Variants in PTPRR observed in about 807,000 individuals in gnomAD.
PTPRR encodes protein tyrosine phosphatase receptor type R.
A neutral mutation model predicts 77.2 loss-of-function variants in PTPRR; 38 were observed. That is an observed-to-expected ratio of 0.49 (90% confidence interval 0.38 to 0.65). The LOEUF is 0.65. Ranked by LOEUF, PTPRR falls within the 30% of genes least tolerant of loss-of-function variation. The probability of loss-of-function intolerance (pLI) is 0.00; values close to 1 mark genes in which losing one functional copy is unlikely to be tolerated. For synonymous variants in PTPRR, 299 were observed against 283.1 expected (o/e 1.06, Z -0.57); for missense variants, 744 against 799.2 (o/e 0.93, Z 0.83).
Position 70,827,053 on chromosome 12 carries a change from A to G in PTPRR, c.358-62275T>C, listed in dbSNP as rs1364820166. On this transcript the variant is annotated intron_variant, in intron 2 of 13. Coordinates refer to ENST00000283228, the MANE Select transcript of PTPRR (RefSeq NM_002849.4). Reference sequence around the variant, plus strand: ...TGGATTCAGATGTTAGCTCCACAGGACACCTTTTCTTACAGCCAAACCTCA... The same window carrying G: ...TGGATTCAGATGTTAGCTCCACAGGGCACCTTTTCTTACAGCCAAACCTCA... Among the ~76,000 whole-genome samples, 4 of 152,164 alleles carry G rather than the reference A, an allele frequency of 2.6e-5. No homozygotes were observed. In the East Asian group the frequency reaches 7.7e-4, roughly 29 times the overall value.
intron 3 of PTPRR, among the ~76,000 whole-genome samples, 175 bp downstream of exon 3, chr12:70,764,490 T>C (rs3751287): frequency 0.37 from 56,127 of 151,776 alleles, 12,573 homozygotes; most frequent in African/African-American, 0.63. Flanking sequence ...ACAAAAGGCA[T>C]CATGGGCAAT....
chr12:70,749,713 C>T (rs1890329725), intron 5 of PTPRR, among the ~76,000 whole-genome samples: 1 of 152,048 alleles, frequency 6.6e-6, no homozygotes, highest in Non-Finnish European at 1.5e-5. Flanking sequence ...CAGACTACAA[C>T]TAGAGAAACT....
chr12:70,640,565 T>C (rs1219734309), intron 13 of PTPRR, among the ~76,000 whole-genome samples: 2 of 152,368 alleles, frequency 1.3e-5, no homozygotes, highest in African/African-American at 4.8e-5. Context: ...GGTAACTATT[T>C]AAAGTCTTGT....
intron 2 of PTPRR, among the ~76,000 whole-genome samples, chr12:70,814,341 G>T (rs1167428049): frequency 2.0e-5 from 3 of 152,086 alleles, no homozygotes; most frequent in East Asian, 1.9e-4. Flanking sequence ...GGAGGGGAAG[G>T]GTGGTCACCT....
intron 2 of PTPRR, among the ~76,000 whole-genome samples, chr12:70,772,035 G>A (rs11178411): frequency 0.34 from 51,883 of 151,934 alleles, 10,122 homozygotes; most frequent in African/African-American, 0.53. Context: ...AATTATCATA[G>A]TAGTAATAAT....
At chr12:70,772,495 G>C (rs11178412) in intron 2 of PTPRR, among the ~76,000 whole-genome samples, 44,143 of 152,052 alleles carry the variant, frequency 0.29, 6,761 homozygotes, top group African/African-American at 0.37. Context: ...TAATAAATAA[G>C]TGATTGGAAA....
At chr12:70,817,444 C>G (rs1891924784) in intron 2 of PTPRR, among the ~76,000 whole-genome samples, 1 of 152,054 alleles carries the variant, frequency 6.6e-6, no homozygotes, top group African/African-American at 2.4e-5. Context: ...TCTTAGGAAC[C>G]ATACACTGAA....
intron 1 of PTPRR, 111 bp from the exon 2 acceptor site, chr12:70,893,088 G>C: frequency 8.5e-7 from 1 of 1,180,536 alleles, no homozygotes; most frequent in Non-Finnish European, 1.2e-6. Context: ...GACTTGTGAA[G>C]GATTTAGGTT....
chr12:70,822,080 C>A (rs1892025480), intron 2 of PTPRR, among the ~76,000 whole-genome samples: 1 of 152,176 alleles, frequency 6.6e-6, no homozygotes, highest in Non-Finnish European at 1.5e-5. Flanking sequence ...CCAGGAAGTT[C>A]TCACCTATTT....
At chr12:70,856,759 T>G (rs1216107396) in intron 2 of PTPRR, among the ~76,000 whole-genome samples, 1 of 150,888 alleles carries the variant, frequency 6.6e-6, no homozygotes, top group Non-Finnish European at 1.5e-5. Context: ...TTAGGGTTGG[T>G]GTTTGATTTG....
At chr12:70,796,304 T>C (rs1046650164) in intron 2 of PTPRR, among the ~76,000 whole-genome samples, 2 of 152,068 alleles carry the variant, frequency 1.3e-5, no homozygotes, top group Non-Finnish European at 2.9e-5. Context: ...TAAAAGTGAG[T>C]AAAATGAGTT....
intron 10 of PTPRR, 26 bp downstream of exon 10, chr12:70,684,101 A>T: frequency 6.2e-7 from 1 of 1,610,278 alleles, no homozygotes; most frequent in Non-Finnish European, 8.5e-7. Context: ...CACATATAAC[A>T]TTCAGAACTT....
intron 2 of PTPRR, among the ~76,000 whole-genome samples, chr12:70,789,236 T>C (rs1445235451): frequency 1.3e-5 from 2 of 152,012 alleles, no homozygotes; most frequent in African/African-American, 4.8e-5. Flanking sequence ...GTTGTGCACA[T>C]GTACCCTAAA....
chr12:70,688,340 C>A (rs1002862136), intron 8 of PTPRR, among the ~76,000 whole-genome samples: 1 of 152,078 alleles, frequency 6.6e-6, no homozygotes. Flanking sequence ...ATCAGAAACT[C>A]AAACTACTCA....
chr12:70,666,856 C>A (rs563886355), intron 10 of PTPRR, among the ~76,000 whole-genome samples: 1 of 143,080 alleles, frequency 7.0e-6, no homozygotes, highest in Admixed American at 7.2e-5. Flanking sequence ...TGAATATGAA[C>A]AAATGTACAT....
In PTPRR at chr12:70,656,830, G is replaced by T. The variant is rs748580930; in HGVS notation, c.1767-13C>A. ...ACCTATTCCTGCACTGAAAAGAAAAGAAAAGAAATTTAAAAAGTGGGGGAA... is the reference window on the plus strand; with the variant it reads ...ACCTATTCCTGCACTGAAAAGAAAATAAAAGAAATTTAAAAAGTGGGGGAA... On this transcript the variant is annotated splice_polypyrimidine_tract_variant and intron_variant, in intron 12 of 13. Coordinates refer to ENST00000283228, the MANE Select transcript of PTPRR (RefSeq NM_002849.4). 3.2e-6 allele frequency: 5 copies of T among 1,553,174 alleles called. No homozygotes were observed. In the East Asian group the frequency reaches 6.7e-5, roughly 21 times the overall value.
intron 6 of PTPRR, among the ~76,000 whole-genome samples, chr12:70,732,778 C>A (rs1478112819): frequency 1.3e-5 from 2 of 152,122 alleles, no homozygotes; most frequent in Admixed American, 1.3e-4. Flanking sequence ...CCAAGCTGGT[C>A]TCAAACTCCT....
chr12:70,762,853 G>A (rs367665346), intron 3 of PTPRR, among the ~76,000 whole-genome samples: 1 of 152,078 alleles, frequency 6.6e-6, no homozygotes, highest in South Asian at 2.1e-4. Context: ...GTCAGGTATT[G>A]TAACTCTAGC....
intron 13 of PTPRR, among the ~76,000 whole-genome samples, chr12:70,656,029 T>TA (rs1886562972): frequency 6.6e-6 from 1 of 151,656 alleles, no homozygotes; most frequent in African/African-American, 2.4e-5. Flanking sequence ...CTGGGCAACA[T>TA]AGTAAGACCC....
Sources: gnomAD v4.1 joint callset for allele counts (sites outside exome capture counted in the v4.1 genomes callset) on GRCh38, gnomAD v4.1.1 for gene constraint, MANE v1.5 for transcripts, NCBI Gene and HGNC (gene_info 2026-07-23, HGNC 2026-07-21) for gene names.